Variants in DOCK11 observed in about 807,000 individuals in gnomAD.
The protein encoded by DOCK11 is dedicator of cytokinesis 11, also known as dedicator of cytokinesis protein 11.
DOCK11 carries 70 observed loss-of-function variants against 169.1 expected under a neutral mutation model. That is an observed-to-expected ratio of 0.41 (90% confidence interval 0.34 to 0.51). The LOEUF is 0.51. Ranked by LOEUF, DOCK11 falls within the 20% of genes least tolerant of loss-of-function variation. DOCK11 has a pLI of 0.10. For missense variants in DOCK11, 1,166 were observed against 1,538.8 expected (o/e 0.76, Z 4.05); for synonymous variants, 529 against 541.3 (o/e 0.98, Z 0.32).
At chrX:118,558,293 G>A (rs1469645183) in intron 6 of DOCK11, among the ~76,000 whole-genome samples, 1 of 110,840 alleles carries the variant, frequency 9.0e-6, no homozygotes, top group Non-Finnish European at 1.9e-5. Flanking sequence ...ATTTGAATGA[G>A]CTCTTGATCC....
intron 40 of DOCK11, among the ~76,000 whole-genome samples, chrX:118,646,099 CAGAG>C (rs1275978567): frequency 1.1e-5 from 1 of 90,618 alleles, no homozygotes; most frequent in Non-Finnish European, 2.2e-5. Context: ...AACAAAAAAA[CAGAG>C]AGACCTGAAT....
chrX:118,618,908 A>G (rs944121688), intron 31 of DOCK11, among the ~76,000 whole-genome samples, 180 bp downstream of exon 31: 4 of 109,849 alleles, frequency 3.6e-5, no homozygotes, highest in African/African-American at 9.9e-5. Flanking sequence ...CCCAGGCTGG[A>G]GTGCAGTGGC....
At chrX:118,625,177 CAG>C (rs1158479008) in intron 32 of DOCK11, among the ~76,000 whole-genome samples, 6 of 106,915 alleles carry the variant, frequency 5.6e-5, no homozygotes, top group African/African-American at 1.4e-4. Flanking sequence ...TTTTTTGAGA[CAG>C]AGTCTCGCTC....
chrX:118,573,753 G>T (rs1448830043), intron 11 of DOCK11, 53 bp from the exon 12 acceptor site: 2 of 1,054,805 alleles, frequency 1.9e-6, no homozygotes, highest in Non-Finnish European at 1.3e-6. Flanking sequence ...GCCCCTCCCC[G>T]CCATGCCCCC....
At chrX:118,548,092 A>G (rs186463617) in intron 6 of DOCK11, among the ~76,000 whole-genome samples, 65 of 112,304 alleles carry the variant, frequency 5.8e-4, no homozygotes, top group African/African-American at 2.0e-3. Flanking sequence ...GGTTTTAACC[A>G]CATTTAAGCC....
chrX:118,553,286 T>G (rs1051817624), intron 6 of DOCK11, among the ~76,000 whole-genome samples: 1 of 112,139 alleles, frequency 8.9e-6, no homozygotes, highest in African/African-American at 3.2e-5. Flanking sequence ...GGACATAGCC[T>G]TCCCCTGGTA....
At chrX:118,528,090 G>A (rs929258634) in intron 1 of DOCK11, among the ~76,000 whole-genome samples, 2 of 112,640 alleles carry the variant, frequency 1.8e-5, no homozygotes, top group African/African-American at 6.5e-5. Context: ...GGACACCATT[G>A]TTATCGTAAG....
In DOCK11 at chrX:118,639,566, C is replaced by T. The variant is rs2015477010; in HGVS notation, c.4133C>T (p.Thr1378Ile). The change falls in exon 38 of 53, where the codon ACA (threonine) becomes ATA (isoleucine). Residue 1378 changes from threonine to isoleucine, a missense_variant. By Grantham distance (89) the Thr-to-Ile change is moderately conservative. Transcript: ENST00000276202. Reference protein sequence around the residue: ...QHLSSLESSFTLNHSSTTTEA... With the variant: ...QHLSSLESSFILNHSSTTTEA... ...CTTAGTAGCCTAGAAAGTTCATTTACACTTAATCACAGTAAGTGAAAATGT... is the reference window on the plus strand; with the variant it reads ...CTTAGTAGCCTAGAAAGTTCATTTATACTTAATCACAGTAAGTGAAAATGT... 8.3e-7 allele frequency: 1 copy of T among 1,206,944 alleles called. No homozygotes were observed. The highest frequency in any genetic ancestry group is 1.1e-6 in the Non-Finnish European group (1 of 893,252).
chrX:118,497,612 T>C (rs2057546100), intron 1 of DOCK11, among the ~76,000 whole-genome samples: 1 of 112,096 alleles, frequency 8.9e-6, no homozygotes, highest in African/African-American at 3.2e-5. Flanking sequence ...TTGCCTGTCA[T>C]CACAGCCAGT....
chrX:118,502,788 AC>A (rs72465709), intron 1 of DOCK11, among the ~76,000 whole-genome samples: 1 of 111,424 alleles, frequency 9.0e-6, no homozygotes, highest in Non-Finnish European at 1.9e-5. Flanking sequence ...AAACAAACAA[AC>A]AAAAAAACAG....
At chrX:118,648,528 ATAT>A (rs1291707118) in intron 40 of DOCK11, among the ~76,000 whole-genome samples, 3 of 92,520 alleles carry the variant, frequency 3.2e-5, no homozygotes, top group African/African-American at 1.2e-4. Flanking sequence ...TAATATATAT[ATAT>A]TTATATATTT....
At chrX:118,541,160 GA>G (rs1392195316) in intron 1 of DOCK11, among the ~76,000 whole-genome samples, 1 of 111,415 alleles carries the variant, frequency 9.0e-6, no homozygotes, top group East Asian at 2.8e-4. Flanking sequence ...TTCAATGAAG[GA>G]AAAAAAATGA....
intron 12 of DOCK11, among the ~76,000 whole-genome samples, chrX:118,574,523 C>T (rs1275609472): frequency 1.8e-5 from 2 of 111,532 alleles, no homozygotes; most frequent in Non-Finnish European, 3.8e-5. Flanking sequence ...GAGCCGAGAT[C>T]ACGCTACACT....
Position 118,680,955 on chromosome X carries a change from T to C in DOCK11, c.5672-103T>C, listed in dbSNP as rs1296029669. On this transcript the variant is annotated intron_variant, in intron 49 of 52. Transcript: ENST00000276202. ...ATGGGACCCTAAGTCATCTTCTAGA[T>C]AAAGGATGGGGAGAGTTAAGCACAA... 10 of 779,804 alleles carry C rather than the reference T, an allele frequency of 1.3e-5. No homozygotes were observed. In the East Asian group the frequency reaches 2.3e-4, roughly 18 times the overall value. The allele number at this position is 779,804 out of a possible 1,213,427, so 64.3% of individuals were successfully genotyped here.
chrX:118,622,010 C>G (rs548496272), intron 31 of DOCK11, among the ~76,000 whole-genome samples: 1 of 111,866 alleles, frequency 8.9e-6, no homozygotes, highest in South Asian at 3.7e-4. Context: ...AACATTTACC[C>G]TGGGGCCTGT....
intron 14 of DOCK11, 145 bp from the exon 15 acceptor site, chrX:118,584,590 G>T: frequency 2.2e-6 from 1 of 447,946 alleles, no homozygotes; most frequent in East Asian, 4.2e-5. Context: ...GGATTGTAGA[G>T]TGATGGGTGA....
intron 40 of DOCK11, among the ~76,000 whole-genome samples, chrX:118,646,157 A>G (rs1011655395): frequency 9.0e-6 from 1 of 111,202 alleles, no homozygotes; most frequent in African/African-American, 3.3e-5. Flanking sequence ...AAGAAGAACT[A>G]TCTAGGGAGA....
chrX:118,524,394 G>A (rs1003755912), intron 1 of DOCK11, among the ~76,000 whole-genome samples: 2 of 111,178 alleles, frequency 1.8e-5, no homozygotes, highest in East Asian at 2.8e-4. Flanking sequence ...TTATTTGTCG[G>A]TGTCCTCTGA....
At chrX:118,599,488 G>A (rs1346656920) in intron 23 of DOCK11, among the ~76,000 whole-genome samples, 1 of 111,730 alleles carries the variant, frequency 9.0e-6, no homozygotes, top group Non-Finnish European at 1.9e-5. Context: ...TTTATTTCAG[G>A]TCCATAAATT....
Sources: gnomAD v4.1 joint callset for allele counts (sites outside exome capture counted in the v4.1 genomes callset) on GRCh38, gnomAD v4.1.1 for gene constraint, MANE v1.5 for transcripts, NCBI Gene and HGNC (gene_info 2026-07-23, HGNC 2026-07-21) for gene names.